CDH13: variants seen among roughly 807,000 people sequenced by gnomAD.
The protein encoded by CDH13 is cadherin-13.
CDH13 carries 24 observed loss-of-function variants against 63.8 expected under a neutral mutation model. That is an observed-to-expected ratio of 0.38 (90% CI 0.27 to 0.53). The LOEUF is 0.53. Ranked by LOEUF, CDH13 falls within the 20% of genes least tolerant of loss-of-function variation. CDH13 has a pLI of 0.85. For synonymous variants in CDH13, 503 were observed against 355.3 expected (o/e 1.42, Z -4.67); for missense variants, 1,049 against 903.1 (o/e 1.16, Z -2.07).
At chr16:82,814,105 T>G (rs927534379) in intron 1 of CDH13, among the ~76,000 whole-genome samples, 4 of 152,160 alleles carry the variant, frequency 2.6e-5, no homozygotes, top group African/African-American at 9.7e-5. Flanking sequence ...CTGGCTGTGA[T>G]TATTATATTG....
intron 7 of CDH13, among the ~76,000 whole-genome samples, chr16:83,512,295 T>A (rs1409388211): frequency 6.7e-6 from 1 of 149,988 alleles, no homozygotes; most frequent in Non-Finnish European, 1.5e-5. Flanking sequence ...CACTCTAGCC[T>A]GGCGGACAGA....
At chr16:82,943,980 T>G (rs1387884650) in intron 2 of CDH13, among the ~76,000 whole-genome samples, 1 of 152,218 alleles carries the variant, frequency 6.6e-6, no homozygotes, top group Non-Finnish European at 1.5e-5. Flanking sequence ...TATTCAGGTC[T>G]GGCTTCCACT....
rs963303574 is a variant in CDH13 at position 83,443,964 on chromosome 16, T to C, written c.782-42513T>C. Among the ~76,000 whole-genome samples the C allele has an allele frequency of 7.4e-5, 11 of 148,868 alleles. 1 individual carries two copies. The highest frequency in any genetic ancestry group is 2.5e-4 in the African/African-American group (10 of 40,626). On this transcript the variant is annotated intron_variant, in intron 6 of 13. Transcript: ENST00000567109. ...AAAAAAAAATCAATGGTACCTCCTATAGAGTCAGGTGATGGTGTTGATTAT... is the reference window on the plus strand; with the variant it reads ...AAAAAAAAATCAATGGTACCTCCTACAGAGTCAGGTGATGGTGTTGATTAT...
At chr16:83,271,794 A>G (rs899028370) in intron 5 of CDH13, among the ~76,000 whole-genome samples, 2 of 152,222 alleles carry the variant, frequency 1.3e-5, no homozygotes, top group African/African-American at 4.8e-5. Context: ...GTAAATATTA[A>G]CTACAAATCA....
intron 2 of CDH13, among the ~76,000 whole-genome samples, chr16:83,004,638 C>T (rs781396503): frequency 2.0e-5 from 3 of 152,050 alleles, no homozygotes; most frequent in Non-Finnish European, 2.9e-5. Context: ...GCTAGGACTA[C>T]AGGTGCCCGC....
intron 7 of CDH13, among the ~76,000 whole-genome samples, chr16:83,556,800 G>C (rs1056745997): frequency 6.6e-6 from 1 of 152,182 alleles, no homozygotes; most frequent in Non-Finnish European, 1.5e-5. Flanking sequence ...CCACACTTAG[G>C]CAAGAAGAAA....
At chr16:83,624,133 A>G (rs965921773) in intron 8 of CDH13, among the ~76,000 whole-genome samples, 11 of 152,102 alleles carry the variant, frequency 7.2e-5, no homozygotes, top group African/African-American at 2.4e-4. Context: ...CTGTCTCTCT[A>G]TGTTGGCTTT....
intron 8 of CDH13, among the ~76,000 whole-genome samples, chr16:83,632,312 C>T (rs1000630216): frequency 1.3e-5 from 2 of 149,968 alleles, no homozygotes; most frequent in African/African-American, 4.9e-5. Flanking sequence ...ATTTCAGTCA[C>T]ATCTCCATCA....
At chr16:83,207,535 G>A (rs967673863) in intron 4 of CDH13, among the ~76,000 whole-genome samples, 6 of 152,064 alleles carry the variant, frequency 3.9e-5, no homozygotes, top group Non-Finnish European at 8.8e-5. Flanking sequence ...ATCTGTTGAT[G>A]GACACCTGAG....
chr16:82,640,604 G>T (rs1034698546), intron 1 of CDH13, among the ~76,000 whole-genome samples: 4 of 152,108 alleles, frequency 2.6e-5, no homozygotes, highest in Admixed American at 6.5e-5. Context: ...GCTGCCATTT[G>T]CCAACCACTA....
chr16:82,705,754 G>A (rs566419685), intron 1 of CDH13, among the ~76,000 whole-genome samples: 1 of 152,162 alleles, frequency 6.6e-6, no homozygotes, highest in African/African-American at 2.4e-5. Flanking sequence ...GCTTATGTCA[G>A]CCTTAGACAA....
intron 13 of CDH13, among the ~76,000 whole-genome samples, chr16:83,787,770 C>A (rs373177101): frequency 2.0e-5 from 3 of 152,300 alleles, no homozygotes; most frequent in East Asian, 3.9e-4. Context: ...TGGCCAAACC[C>A]CGTCTCCACT....
At chr16:83,669,227 A>G (rs1002835148) in intron 8 of CDH13, among the ~76,000 whole-genome samples, 2 of 152,140 alleles carry the variant, frequency 1.3e-5, no homozygotes, top group Non-Finnish European at 2.9e-5. Context: ...GACCCCGGGC[A>G]GTTTCTCTTT....
chr16:82,692,572 A>G (rs375290248), intron 1 of CDH13, among the ~76,000 whole-genome samples: 5 of 152,152 alleles, frequency 3.3e-5, no homozygotes, highest in African/African-American at 1.2e-4. Flanking sequence ...TGTTCCTTCC[A>G]TGACATGTGA....
chr16:82,739,020 C>G (rs1395616267), intron 1 of CDH13, among the ~76,000 whole-genome samples: 1 of 152,178 alleles, frequency 6.6e-6, no homozygotes, highest in African/African-American at 2.4e-5. Context: ...GAGCAAGATA[C>G]GTTTTTTATT....
intron 6 of CDH13, among the ~76,000 whole-genome samples, chr16:83,478,396 A>G (rs1307355446): frequency 6.6e-6 from 1 of 152,148 alleles, no homozygotes; most frequent in Non-Finnish European, 1.5e-5. Flanking sequence ...CAGTCTGACC[A>G]CAGAGAGTCC....
intron 7 of CDH13, among the ~76,000 whole-genome samples, chr16:83,593,396 A>G (rs1284010663): frequency 2.6e-5 from 4 of 152,172 alleles, no homozygotes; most frequent in Non-Finnish European, 5.9e-5. Flanking sequence ...ACAATAGCCA[A>G]CTGGTGTCTC....
chr16:82,833,502 T>A (rs2038634598), intron 1 of CDH13, among the ~76,000 whole-genome samples: 1 of 152,232 alleles, frequency 6.6e-6, no homozygotes, highest in Non-Finnish European at 1.5e-5. Context: ...ATGAATTCAC[T>A]ATGTTGTCAA....
intron 2 of CDH13, among the ~76,000 whole-genome samples, chr16:82,898,603 TA>T (rs1047540485): frequency 3.9e-5 from 6 of 152,318 alleles, no homozygotes; most frequent in African/African-American, 1.4e-4. Flanking sequence ...GATAGTGGTC[TA>T]AAAGTCCAGA....
Sources: gnomAD v4.1 joint callset for allele counts (sites outside exome capture counted in the v4.1 genomes callset) on GRCh38, gnomAD v4.1.1 for gene constraint, MANE v1.5 for transcripts, NCBI Gene and HGNC (gene_info 2026-07-23, HGNC 2026-07-21) for gene names.